The following KIF1B variants were observed in gnomAD, a reference collection of about 807,000 sequenced individuals.
KIF1B encodes kinesin-like protein KIF1B.
KIF1B carries 76 observed loss-of-function variants against 241.9 expected under a neutral mutation model. The ratio of observed to expected loss-of-function variants is 0.31; its 90% CI spans 0.26 to 0.38. KIF1B has a LOEUF of 0.38. Among genes scored for constraint, KIF1B ranks in the 10% least tolerant of loss-of-function variants. The pLI, the probability that KIF1B is intolerant of heterozygous loss-of-function variation, is 1.00. For synonymous variants in KIF1B, 750 were observed against 796.7 expected, an observed-to-expected ratio of 0.94 and a Z score of 0.99; for missense variants, 1,622 against 2,271.4, an observed-to-expected ratio of 0.71 and a Z score of 5.81.
At chr1:10,370,180 G>A (rs1212183675) in intron 44 of KIF1B, among the ~76,000 whole-genome samples, 1 of 152,234 alleles carries the variant, frequency 6.6e-6, no homozygotes, top group Non-Finnish European at 1.5e-5. Flanking sequence ...AACCTGGGAG[G>A]TGGAGGTTGC....
At position 10,331,251 on chromosome 1, in the gene KIF1B, A is replaced by G. The variant is rs572977324; in HGVS notation, c.2925-3269A>G. ...CATAATAGAGGAGGGTGATCTGTGTATGTGTTGACTTTGAAAGTGAAATTA... is the reference window on the plus strand; with the variant it reads ...CATAATAGAGGAGGGTGATCTGTGTGTGTGTTGACTTTGAAAGTGAAATTA... On this transcript the variant is annotated intron_variant, in intron 27 of 48. Coordinates refer to ENST00000676179, the MANE Select transcript of KIF1B (RefSeq NM_001365951.3). 2.6e-5 allele frequency among the ~76,000 whole-genome samples: 4 copies of G among 152,354 alleles called. No homozygotes were observed. The East Asian group carries it at 5.8e-4, about 22-fold the overall frequency.
rs35072176 is a variant in KIF1B at position 10,351,073 on chromosome 1, C to CAAA, written c.3950-1543_3950-1541dup. On this transcript the variant is annotated intron_variant, in intron 37 of 48. Coordinates refer to ENST00000676179, the MANE Select transcript of KIF1B (RefSeq NM_001365951.3). ...ACTGCATGACAGAACAAGACCCTGT[C>CAAA]AAAAAAAAAAAAAAAAAGAATCGTT... Among the ~76,000 whole-genome samples, 849 of 104,598 alleles carry CAAA rather than the reference C, an allele frequency of 8.1e-3. 20 individuals carry two copies. The highest frequency in any genetic ancestry group is 0.025 in the African/African-American group (707 of 28,094). 68.6% of individuals were successfully genotyped at this position (104,598 alleles called of 152,430 possible). A position where few individuals can be genotyped will look rare whatever the true frequency, so the allele number is the denominator to read the frequency against.
intron 27 of KIF1B, among the ~76,000 whole-genome samples, chr1:10,334,149 C>CAA (rs372716443): frequency 0.12 from 10,174 of 82,752 alleles, 781 homozygotes; most frequent in South Asian, 0.19. Context: ...GACTCTGTCT[C>CAA]AAAAAAAAAA....
chr1:10,327,636 T>C (rs1471406392), intron 27 of KIF1B, among the ~76,000 whole-genome samples: 1 of 152,204 alleles, frequency 6.6e-6, no homozygotes, highest in East Asian at 1.9e-4. Flanking sequence ...CAGAACTCTC[T>C]ATGCACATGA....
rs975797136 is a variant in KIF1B at position 10,367,597 on chromosome 1, C to T, written c.4753-870C>T. Among the ~76,000 whole-genome samples the T allele has an allele frequency of 6.1e-5, 9 of 148,528 alleles. No homozygotes were observed. In the East Asian group the frequency reaches 6.1e-4, roughly 10 times the overall value. On this transcript the variant is annotated intron_variant, in intron 43 of 48. Transcript: ENST00000676179. ...TGGCCCACGCTGGAGTGCAGTGGTGCGATCTCGGCTCACTGCAGCCTTCAC... is the reference window on the plus strand; with the variant it reads ...TGGCCCACGCTGGAGTGCAGTGGTGTGATCTCGGCTCACTGCAGCCTTCAC...
chr1:10,328,974 T>C (rs1651822511), intron 27 of KIF1B, among the ~76,000 whole-genome samples: 1 of 152,242 alleles, frequency 6.6e-6, no homozygotes, highest in Non-Finnish European at 1.5e-5. Context: ...TTTGAGGAAG[T>C]TGTGTGGAAA....
At chr1:10,297,358 G>C (rs916626790) in intron 22 of KIF1B, 112 bp downstream of exon 22, 2 of 892,110 alleles carry the variant, frequency 2.2e-6, no homozygotes, top group African/African-American at 3.3e-5. Context: ...ATGATACCAA[G>C]CACTATTCTT....
intron 22 of KIF1B, among the ~76,000 whole-genome samples, chr1:10,319,238 A>T (rs973701537): frequency 6.6e-6 from 1 of 151,164 alleles, no homozygotes; most frequent in Non-Finnish European, 1.5e-5. Context: ...AGTAGCTGGG[A>T]TTATAGGCAC....
chr1:10,316,643 G>A (rs1284790997), intron 22 of KIF1B, among the ~76,000 whole-genome samples: 5 of 151,422 alleles, frequency 3.3e-5, no homozygotes, highest in African/African-American at 1.2e-4. Flanking sequence ...TGGGACTACA[G>A]GTGTGTGCCA....
chr1:10,369,202 T>A (rs998411971), intron 44 of KIF1B, among the ~76,000 whole-genome samples: 3 of 152,380 alleles, frequency 2.0e-5, no homozygotes, highest in Admixed American at 2.0e-4. Context: ...TAGCACTAAT[T>A]ACTACCTGAT....
At position 10,258,513 on chromosome 1, in the gene KIF1B, A is replaced by G. The variant is rs1647930027; in HGVS notation, c.204A>G (p.Ala68=). 1.9e-6 allele frequency: 3 copies of G among 1,613,984 alleles called. No individual in the cohort carries two copies. Among genetic ancestry groups the G allele is most frequent in the Non-Finnish European group, 2.5e-6 (3 of 1,179,986 alleles). ...TACAGCCCGAAGATCCCTGTTTTGC[A>G]TCTCAAAACCGTGTGTACAATGACA... ...SHTSPEDPCF[A]SQNRVYNDIG... The change falls in exon 4 of 49, where the codon GCA becomes GCG. Residue 68 remains alanine, a synonymous_variant. Coordinates refer to ENST00000676179, the MANE Select transcript of KIF1B (RefSeq NM_001365951.3).
chr1:10,316,111 T>C (rs948653371), intron 22 of KIF1B, among the ~76,000 whole-genome samples: 2 of 149,504 alleles, frequency 1.3e-5, no homozygotes, highest in Non-Finnish European at 2.9e-5. Context: ...CTCACTCTTG[T>C]AGTCCCAGCT....
At chr1:10,252,539 G>A (rs1416968078) in intron 2 of KIF1B, among the ~76,000 whole-genome samples, 1 of 151,526 alleles carries the variant, frequency 6.6e-6, no homozygotes, top group Non-Finnish European at 1.5e-5. Context: ...AGCCCCCTGA[G>A]TAGCTGGGAG....
intron 1 of KIF1B, among the ~76,000 whole-genome samples, chr1:10,211,934 CAG>C (rs1351479964): frequency 2.0e-5 from 3 of 152,178 alleles, no homozygotes; most frequent in African/African-American, 7.2e-5. Context: ...GATAGATTTT[CAG>C]AGTCGCTCGA....
chr1:10,266,872 G>A (rs555007138), intron 5 of KIF1B, among the ~76,000 whole-genome samples: 139 of 152,206 alleles, frequency 9.1e-4, no homozygotes, highest in African/African-American at 2.9e-3. Flanking sequence ...TTACCTGTGC[G>A]TATTGTTAAT....
intron 1 of KIF1B, among the ~76,000 whole-genome samples, chr1:10,215,398 A>G (rs1257872098): frequency 2.7e-5 from 4 of 150,002 alleles, no homozygotes; most frequent in South Asian, 2.1e-4. Flanking sequence ...CTGGTCTCGA[A>G]CTCCCGACCT....
chr1:10,276,467 G>GT, intron 12 of KIF1B, 68 bp downstream of exon 12: 1 of 1,077,150 alleles, frequency 9.3e-7, no homozygotes, highest in Non-Finnish European at 1.4e-6. Flanking sequence ...GTGATACCAT[G>GT]GATGTTTTTA....
chr1:10,306,501 C>A, intron 22 of KIF1B: 1 of 842,628 alleles, frequency 1.2e-6, no homozygotes, highest in East Asian at 5.7e-5. Flanking sequence ...GCCCCAGCTA[C>A]TTAGGAGGCT....
chr1:10,244,493 T>G (rs974298155), intron 2 of KIF1B, among the ~76,000 whole-genome samples: 1 of 151,976 alleles, frequency 6.6e-6, no homozygotes, highest in Non-Finnish European at 1.5e-5. Context: ...TTTTGTATTT[T>G]TAGTAGAGAC....
Sources: gnomAD v4.1 joint callset for allele counts (sites outside exome capture counted in the v4.1 genomes callset) on GRCh38, gnomAD v4.1.1 for gene constraint, MANE v1.5 for transcripts, NCBI Gene and HGNC (gene_info 2026-07-23, HGNC 2026-07-21) for gene names.